Variants in BOC observed in about 807,000 individuals in gnomAD.
BOC encodes BOC cell adhesion associated, oncogene regulated.
BOC carries 76 observed loss-of-function variants against 112.0 expected under a neutral mutation model. The ratio of observed to expected loss-of-function variants is 0.68; its 90% CI spans 0.56 to 0.82. The LOEUF (loss-of-function observed/expected upper bound fraction) is 0.82, where lower values mean the gene tolerates loss of function less well. BOC is among the 40% of genes least tolerant of loss of function. The pLI is 0.00. For synonymous variants in BOC, 580 were observed against 599.8 expected, an observed-to-expected ratio of 0.97 and a Z score of 0.48; for missense variants, 1,309 against 1,511.7, an observed-to-expected ratio of 0.87 and a Z score of 2.22.
Position 113,278,294 on chromosome 3 carries a change from G to A in BOC, c.1705+37G>A, listed in dbSNP as rs3814401. On this transcript the variant is annotated intron_variant, in intron 10 of 19. Coordinates refer to ENST00000682979, the MANE Select transcript of BOC (RefSeq NM_001378074.1). This position sits in a 1 kb window ranked among gnomAD's most constrained non-coding sequence, Gnocchi z 4.2. ...ACATTGCCCCTTGCTTAGGGTTTCC[G>A]TGGGTCTAAGCAAGTTCCACTGGCC... 0.045 allele frequency: 72,214 copies of A among 1,608,620 alleles called. 1,794 individuals carry two copies. Among genetic ancestry groups the A allele is most frequent in the African/African-American group, 0.067 (4,989 of 74,946 alleles).
intron 2 of BOC, among the ~76,000 whole-genome samples, chr3:113,248,520 A>G (rs1334776330): frequency 2.6e-5 from 4 of 152,248 alleles, no homozygotes; most frequent in African/African-American, 4.8e-5. Context: ...TCCACCGTGC[A>G]GATCACTGGA....
At chr3:113,250,481 G>GCAGTGCTTC in intron 3 of BOC, 74 bp from the exon 4 acceptor site, 1 of 1,517,964 alleles carries the variant, frequency 6.6e-7, no homozygotes, top group Non-Finnish European at 8.9e-7. Context: ...CTTCCTGGGT[G>GCAGTGCTTC]CAGTGCTTCT....
At chr3:113,269,781 C>T (rs979915692) in intron 5 of BOC, 23 of 152,312 alleles carry the variant, frequency 1.5e-4, no homozygotes, top group African/African-American at 5.5e-4. Flanking sequence ...GCCTGCCTGT[C>T]CCACCAGGGC....
At chr3:113,239,719 G>T (rs1390780895) in intron 2 of BOC, among the ~76,000 whole-genome samples, 4 of 152,222 alleles carry the variant, frequency 2.6e-5, no homozygotes, top group Non-Finnish European at 4.4e-5. Context: ...TGTGCTCTTT[G>T]CAGGGAAGGT....
chr3:113,229,870 G>T (rs376799569), intron 2 of BOC, among the ~76,000 whole-genome samples: 249 of 152,196 alleles, frequency 1.6e-3, no homozygotes, highest in African/African-American at 5.8e-3. Context: ...CAAAATCCAC[G>T]GCAGAGACAC....
intron 4 of BOC, among the ~76,000 whole-genome samples, chr3:113,255,739 G>T (rs1946159970): frequency 6.6e-6 from 1 of 152,172 alleles, no homozygotes; most frequent in Admixed American, 6.5e-5. Flanking sequence ...AGATCAGCAG[G>T]CAAGGTGGCT....
chr3:113,244,244 TACTC>T (rs1248187664), intron 2 of BOC, among the ~76,000 whole-genome samples: 3 of 152,224 alleles, frequency 2.0e-5, no homozygotes, highest in Non-Finnish European at 1.5e-5. Flanking sequence ...CATTTTCTAA[TACTC>T]ACAGTACCTT....
In BOC at chr3:113,265,896, T is replaced by C. The variant is rs895821311; in HGVS notation, c.377-2403T>C. ...CTTGGGCTCAGCCTTCCAAACTGTA[T>C]TTATTTAGCAAGGATTTAGAAAGCA... is the stretch of plus-strand genomic sequence containing the variant. On this transcript the variant is annotated intron_variant, in intron 4 of 19. Transcript: ENST00000682979. 5.9e-5 allele frequency among the ~76,000 whole-genome samples: 9 copies of C among 152,224 alleles called. No individual in the cohort carries two copies. The East Asian group carries it at 1.7e-3, about 29-fold the overall frequency.
chr3:113,247,674 A>G (rs1945102553), intron 2 of BOC, among the ~76,000 whole-genome samples: 1 of 152,142 alleles, frequency 6.6e-6, no homozygotes. Context: ...GTCACCTTGC[A>G]GGGTTGATGA....
At position 113,211,576 on chromosome 3, in the gene BOC, TC is replaced by T. The variant is rs1384550218; in HGVS notation, c.-608del. ...GAGTTCAGTCATCCAAAAAGCTTCTTCCATATGGAGGGACCGGGTGCGCTGG... is the reference window on the plus strand; with the variant it reads ...GAGTTCAGTCATCCAAAAAGCTTCTTCATATGGAGGGACCGGGTGCGCTGG... On this transcript the variant is annotated 5_prime_UTR_variant, in exon 1 of 20. Coordinates refer to ENST00000682979, the MANE Select transcript of BOC (RefSeq NM_001378074.1). 1 of 152,174 alleles carries T rather than the reference TC, an allele frequency of 6.6e-6. No homozygotes were observed. Among genetic ancestry groups the T allele is most frequent in the African/African-American group, 2.4e-5 (1 of 41,410 alleles). The allele number at this position is 152,174 out of a possible 1,614,324, so 9.4% of individuals were successfully genotyped here.
chr3:113,273,832 G>T (rs1191968178), intron 8 of BOC, among the ~76,000 whole-genome samples: 1 of 152,216 alleles, frequency 6.6e-6, no homozygotes, highest in East Asian at 1.9e-4. Context: ...CATGTCCTGT[G>T]GTGGGGAAGG....
intron 5 of BOC, chr3:113,270,557 G>A (rs1947998274): frequency 2.1e-6 from 1 of 475,754 alleles, no homozygotes; most frequent in East Asian, 3.5e-5. Context: ...CAGTTAGTCA[G>A]TCAGCCAGTC....
In BOC at chr3:113,274,498, C is replaced by T. The variant is rs765600285; in HGVS notation, c.1358C>T (p.Thr453Met). The part of the protein sequence containing the change: ...RGQPALPRPP[T>M]SVGPASPQCP... ...CAACCGGCGCTCCCCAGACCCCCAA[C>T]GTCAGTGGGGCCTGCTTCCCCGCAG... is the stretch of plus-strand genomic sequence containing the variant. The change falls in exon 9 of 20, where the codon ACG (threonine) becomes ATG (methionine). Residue 453 changes from threonine (T) to methionine (M), a missense_variant. By Grantham distance (81) the Thr-to-Met change is moderately conservative. Transcript: ENST00000682979. The surrounding 1 kb of genome is among the most constrained non-coding windows in gnomAD (Gnocchi z 4.8). The T allele has an allele frequency of 6.8e-6, 11 of 1,612,974 alleles. No individual in the cohort carries two copies. The highest frequency in any genetic ancestry group is 6.7e-5 in the Admixed American group (4 of 59,996).
intron 2 of BOC, among the ~76,000 whole-genome samples, chr3:113,230,346 G>C (rs548627932): frequency 6.1e-4 from 93 of 152,296 alleles, no homozygotes; most frequent in African/African-American, 2.2e-3. Context: ...AAACATGGTG[G>C]CTAGTGCATG....
chr3:113,240,232 T>C (rs552125132), intron 2 of BOC, among the ~76,000 whole-genome samples: 8 of 152,304 alleles, frequency 5.3e-5, no homozygotes, highest in Admixed American at 3.3e-4. Context: ...GAATGTGGAA[T>C]GTATCAAGCT....
chr3:113,263,814 A>G (rs1038031594), intron 4 of BOC, among the ~76,000 whole-genome samples: 2 of 152,214 alleles, frequency 1.3e-5, no homozygotes, highest in African/African-American at 4.8e-5. Context: ...AAATGTGCCA[A>G]TTTGCGGTTT....
chr3:113,237,412 CCTT>C (rs2107778615), intron 2 of BOC, among the ~76,000 whole-genome samples: 1 of 152,256 alleles, frequency 6.6e-6, no homozygotes, highest in South Asian at 2.1e-4. Flanking sequence ...TCTTTGCCTG[CCTT>C]CTTCTACCCA....
At chr3:113,230,545 T>C (rs1942447079) in intron 2 of BOC, among the ~76,000 whole-genome samples, 1 of 152,194 alleles carries the variant, frequency 6.6e-6, no homozygotes, top group Non-Finnish European at 1.5e-5. Context: ...GCTGCATCTG[T>C]GTAATGGGAT....
intron 2 of BOC, among the ~76,000 whole-genome samples, chr3:113,227,883 T>C (rs1426300727): frequency 6.6e-6 from 1 of 152,094 alleles, no homozygotes; most frequent in Non-Finnish European, 1.5e-5. Context: ...TTTTTTTTCT[T>C]TAGTATGATT....
Sources: gnomAD v4.1 joint callset for allele counts (sites outside exome capture counted in the v4.1 genomes callset) on GRCh38, gnomAD v4.1.1 for gene constraint, Gnocchi (gnomAD v3.1) non-coding constraint, MANE v1.5 for transcripts, NCBI Gene and HGNC (gene_info 2026-07-23, HGNC 2026-07-21) for gene names.